Variants in ST3GAL3 observed in about 807,000 individuals in gnomAD.
ST3GAL3 encodes the protein CMP-N-acetylneuraminate-beta-1,4-galactoside alpha-2,3-sialyltransferase.
Under a neutral mutation model 50.1 loss-of-function variants are expected in ST3GAL3, and 21 were observed. That is an observed-to-expected ratio of 0.42 (90% CI 0.30 to 0.60). The LOEUF (loss-of-function observed/expected upper bound fraction) is 0.60. Among genes scored for constraint, ST3GAL3 ranks in the 20% least tolerant of loss-of-function variants. The pLI, the probability that ST3GAL3 is intolerant of heterozygous loss-of-function variation, is 0.19. For missense variants in ST3GAL3, 353 were observed against 489.4 expected (o/e 0.72, Z 2.63); for synonymous variants, 183 against 190.0 (o/e 0.96, Z 0.30).
intron 9 of ST3GAL3, among the ~76,000 whole-genome samples, chr1:43,902,759 C>T (rs975365695): frequency 1.3e-5 from 2 of 152,200 alleles, no homozygotes; most frequent in African/African-American, 4.8e-5. Context: ...CCTCCAGCTC[C>T]GGTGCAGGTC....
intron 1 of ST3GAL3, among the ~76,000 whole-genome samples, chr1:43,717,217 T>C (rs1445911659): frequency 1.3e-5 from 2 of 152,192 alleles, no homozygotes; most frequent in Non-Finnish European, 1.5e-5. Flanking sequence ...ACCCTGCTCC[T>C]TGAGGGCAGG....
At chr1:43,734,318 T>G (rs1293317940) in intron 1 of ST3GAL3, among the ~76,000 whole-genome samples, 1 of 144,820 alleles carries the variant, frequency 6.9e-6, no homozygotes, top group Non-Finnish European at 1.5e-5. Flanking sequence ...GTTTTTTTTT[T>G]TTTTGAGACA....
intron 5 of ST3GAL3, among the ~76,000 whole-genome samples, chr1:43,890,744 T>A (rs1373417586): frequency 6.6e-6 from 1 of 151,128 alleles, no homozygotes; most frequent in Non-Finnish European, 1.5e-5. Flanking sequence ...CTTAGCTGGG[T>A]ATGGGGGTGG....
chr1:43,855,559 G>A (rs1047928312), intron 5 of ST3GAL3, among the ~76,000 whole-genome samples: 1 of 149,830 alleles, frequency 6.7e-6, no homozygotes, highest in African/African-American at 2.5e-5. Flanking sequence ...ATAGTGAGCC[G>A]AGATCACACC....
intron 1 of ST3GAL3, among the ~76,000 whole-genome samples, chr1:43,724,122 A>G (rs953469475): frequency 6.6e-6 from 1 of 152,168 alleles, no homozygotes. Context: ...CATTCAAATT[A>G]TACCTTTAGA....
chr1:43,725,467 G>A (rs1016148973), intron 1 of ST3GAL3, among the ~76,000 whole-genome samples: 3 of 152,094 alleles, frequency 2.0e-5, no homozygotes, highest in Non-Finnish European at 4.4e-5. Flanking sequence ...TCAAAGTGCT[G>A]GGATTACAGC....
chr1:43,837,231 C>A (rs1017919566), intron 4 of ST3GAL3, among the ~76,000 whole-genome samples: 1 of 152,146 alleles, frequency 6.6e-6, no homozygotes, highest in African/African-American at 2.4e-5. Context: ...AGAGGAGGCA[C>A]TTAGCCCAAT....
intron 5 of ST3GAL3, among the ~76,000 whole-genome samples, chr1:43,864,220 G>C (rs2070754121): frequency 6.6e-6 from 1 of 152,238 alleles, no homozygotes; most frequent in Non-Finnish European, 1.5e-5. Context: ...GGAGGTTGCA[G>C]TGAGCTGAGC....
chr1:43,758,830 C>T (rs1689100373), intron 2 of ST3GAL3, among the ~76,000 whole-genome samples: 1 of 151,290 alleles, frequency 6.6e-6, no homozygotes, highest in South Asian at 2.1e-4. Flanking sequence ...AGTTCGAGAC[C>T]AGCCTGGGCA....
At chr1:43,852,305 G>A (rs899314260) in intron 5 of ST3GAL3, among the ~76,000 whole-genome samples, 2 of 152,186 alleles carry the variant, frequency 1.3e-5, no homozygotes, top group Non-Finnish European at 2.9e-5. Context: ...CTGAGCACTT[G>A]TTTTGCTCTA....
At chr1:43,721,973 C>A (rs1300700258) in intron 1 of ST3GAL3, among the ~76,000 whole-genome samples, 2 of 151,962 alleles carry the variant, frequency 1.3e-5, no homozygotes, top group Non-Finnish European at 2.9e-5. Context: ...TTTTTGAGCA[C>A]CTACCAGGGA....
chr1:43,913,391 G>C (rs2081270038), intron 9 of ST3GAL3: 1 of 152,220 alleles, frequency 6.6e-6, no homozygotes, highest in African/African-American at 2.4e-5. Context: ...TATGCACAAG[G>C]AACTTGAGGC....
At chr1:43,811,850 T>C (rs1388472322) in intron 3 of ST3GAL3, among the ~76,000 whole-genome samples, 1 of 152,076 alleles carries the variant, frequency 6.6e-6, no homozygotes, top group Non-Finnish European at 1.5e-5. Context: ...CAAAGACGTT[T>C]TTTGAAATCC....
At chr1:43,817,056 T>C (rs891271591) in intron 4 of ST3GAL3, among the ~76,000 whole-genome samples, 6 of 152,210 alleles carry the variant, frequency 3.9e-5, no homozygotes, top group South Asian at 4.1e-4. Flanking sequence ...TGTGTTATAT[T>C]CTATTTCTGA....
chr1:43,898,409 A>C (rs1007312283), intron 7 of ST3GAL3, 111 bp downstream of exon 7: 7 of 1,044,996 alleles, frequency 6.7e-6, no homozygotes, highest in Non-Finnish European at 8.8e-6. Context: ...GCACATCCAC[A>C]CATGCACATA....
chr1:43,826,909 T>TA (rs1199044440), intron 4 of ST3GAL3, among the ~76,000 whole-genome samples: 3 of 152,296 alleles, frequency 2.0e-5, no homozygotes, highest in Admixed American at 6.5e-5. Flanking sequence ...TCATGATTTT[T>TA]AAAAAAACTA....
At chr1:43,745,355 CAAG>C (rs1683176443) in intron 2 of ST3GAL3, among the ~76,000 whole-genome samples, 1 of 151,974 alleles carries the variant, frequency 6.6e-6, no homozygotes, top group Non-Finnish European at 1.5e-5. Context: ...AAGTGGGAAA[CAAG>C]AATGTTTTAT....
At chr1:43,835,863 G>A (rs2064242806) in intron 4 of ST3GAL3, among the ~76,000 whole-genome samples, 1 of 152,182 alleles carries the variant, frequency 6.6e-6, no homozygotes, top group South Asian at 2.1e-4. Flanking sequence ...GACTCAAAAT[G>A]CCTTACTGCC....
chr1:43,783,839 GC>G (rs1285150532), intron 2 of ST3GAL3, among the ~76,000 whole-genome samples: 1 of 152,032 alleles, frequency 6.6e-6, no homozygotes, highest in Non-Finnish European at 1.5e-5. Flanking sequence ...GGGATGTCCT[GC>G]CCCTGATCTG....
Sources: allele counts gnomAD v4.1 joint callset (sites outside exome capture counted in the v4.1 genomes callset), GRCh38; gene constraint gnomAD v4.1.1; transcripts MANE v1.5; gene names NCBI Gene and HGNC (gene_info 2026-07-23, HGNC 2026-07-21).